Variants in ANKHD1 observed in about 807,000 individuals in gnomAD.
ANKHD1 encodes ankyrin repeat and KH domain containing 1.
In ANKHD1, 31 loss-of-function variants were observed where a neutral mutation model predicts 230.5. That is an observed-to-expected ratio of 0.13 (90% CI 0.10 to 0.18). The LOEUF (loss-of-function observed/expected upper bound fraction) is 0.18, where lower values mean the gene tolerates loss of function less well. Among genes scored for constraint, ANKHD1 ranks in the 10% least tolerant of loss-of-function variants. ANKHD1 has a pLI of 1.00. For synonymous variants in ANKHD1, 1,074 were observed against 1,117.6 expected, an observed-to-expected ratio of 0.96 and a Z score of 0.78; for missense variants, 2,256 against 3,071.3, an observed-to-expected ratio of 0.73 and a Z score of 6.27.
At chr5:140,450,763 G>T (rs1021476950) in intron 7 of ANKHD1, among the ~76,000 whole-genome samples, 17 of 151,808 alleles carry the variant, frequency 1.1e-4, no homozygotes, top group African/African-American at 4.1e-4. Flanking sequence ...TTTAAGAAAA[G>T]ATTTATTTAT....
intron 1 of ANKHD1, among the ~76,000 whole-genome samples, chr5:140,433,743 AC>A (rs1322932480): frequency 6.6e-6 from 1 of 152,144 alleles, no homozygotes; most frequent in Non-Finnish European, 1.5e-5. Flanking sequence ...TTAAAATGTT[AC>A]ATGAGACATA....
rs1775401914 is a variant in ANKHD1, at chr5:140,458,618, T to C, written c.1243-7T>C. ...CTCCTTCTTTCTTTACTTCTGAAAA[T>C]CTGCAGGATGGACATGTAGAGGTGG... On this transcript the variant is annotated splice_region_variant and splice_polypyrimidine_tract_variant and intron_variant, in intron 7 of 33. Transcript: ENST00000360839. The C allele has an allele frequency of 6.4e-7, 1 of 1,568,932 alleles. No individual in the cohort carries two copies. The highest frequency in any genetic ancestry group is 8.7e-7 in the Non-Finnish European group (1 of 1,150,412).
chr5:140,443,409 G>T (rs181690650), intron 5 of ANKHD1, among the ~76,000 whole-genome samples: 1 of 151,818 alleles, frequency 6.6e-6, no homozygotes. Flanking sequence ...CCAAAAAAAA[G>T]GCCGGGCGTG....
rs1186568157 is a variant in ANKHD1 at position 140,496,877 on chromosome 5, C to T, written c.2603C>T (p.Ser868Phe). 1.2e-6 allele frequency: 2 copies of T among 1,614,020 alleles called. No homozygotes were observed. Among genetic ancestry groups the T allele is most frequent in the Non-Finnish European group, 1.7e-6 (2 of 1,180,026 alleles). Reference protein sequence around the residue: ...LETKGQKDTVSLHQQCSHRGV... With the variant: ...LETKGQKDTVFLHQQCSHRGV... Reference sequence around the variant, plus strand: ...ACCAAAGGTCAGAAAGACACAGTGTCTCTACACCAACAGTGCTCTCATAGA... The same window carrying T: ...ACCAAAGGTCAGAAAGACACAGTGTTTCTACACCAACAGTGCTCTCATAGA... The change falls in exon 15 of 34, where the codon TCT becomes TTT. Residue 868 changes from serine to phenylalanine, a missense_variant. By Grantham distance (155) the Ser-to-Phe change is radical. This residue lies in a region of ANKHD1 where 358 missense variants were observed against 397.7 expected (regional missense o/e 0.90). Coordinates refer to ENST00000360839, the MANE Select transcript of ANKHD1 (RefSeq NM_017747.3).
intron 10 of ANKHD1, among the ~76,000 whole-genome samples, chr5:140,466,451 A>G (rs538603132): frequency 6.6e-6 from 1 of 151,990 alleles, no homozygotes; most frequent in East Asian, 1.9e-4. Flanking sequence ...TGGTAAATGT[A>G]CTCTAATGTA....
At chr5:140,466,495 A>G (rs1387547440) in intron 10 of ANKHD1, among the ~76,000 whole-genome samples, 2 of 152,282 alleles carry the variant, frequency 1.3e-5, no homozygotes, top group East Asian at 3.9e-4. Flanking sequence ...CCAAGTTAAT[A>G]TCTGTTACAT....
At chr5:140,438,082 T>C (rs1311568950) in intron 2 of ANKHD1, among the ~76,000 whole-genome samples, 1 of 152,220 alleles carries the variant, frequency 6.6e-6, no homozygotes, top group Non-Finnish European at 1.5e-5. Context: ...CTGTCTCCCC[T>C]CTGAAGATAC....
At chr5:140,522,906 C>A (rs1307084368) in intron 24 of ANKHD1, among the ~76,000 whole-genome samples, 1 of 152,008 alleles carries the variant, frequency 6.6e-6, no homozygotes, top group Non-Finnish European at 1.5e-5. Flanking sequence ...ATTTGATTTT[C>A]CCTGATGGCT....
chr5:140,529,393 T>C lies in ANKHD1; in HGVS notation c.6447T>C (p.Asn2149=), dbSNP rs1368757053. 6.2e-7 allele frequency: 1 copy of C among 1,614,086 alleles called. No individual in the cohort carries two copies. Among genetic ancestry groups the C allele is most frequent in the Non-Finnish European group, 8.5e-7 (1 of 1,180,040 alleles). ...GTTCTTTTTACTCCATGGTACCAAATGCAACTATTCACCAGGATCCCCAGT... is the reference window on the plus strand; with the variant it reads ...GTTCTTTTTACTCCATGGTACCAAACGCAACTATTCACCAGGATCCCCAGT... ...PRGSFYSMVP[N]ATIHQDPQSI... Residue 2149 remains asparagine, a synonymous_variant, in exon 29 of 34, where the codon AAT becomes AAC. Coordinates refer to ENST00000360839, the MANE Select transcript of ANKHD1 (RefSeq NM_017747.3).
chr5:140,445,958 CACTT>C lies in ANKHD1; in HGVS notation c.1131_1134del (p.Cys380ThrfsTer29), dbSNP rs1311823443. 6.2e-7 allele frequency: 1 copy of C among 1,601,826 alleles called. No individual in the cohort carries two copies. Among genetic ancestry groups the C allele is most frequent in the Non-Finnish European group, 8.5e-7 (1 of 1,173,078 alleles). Reference sequence around the variant, plus strand: ...AATGAATTCAAAGAAAGTGCTCTAACACTTGCTTGCTACAAAGGTACTTAATACA... The same window carrying C: ...AATGAATTCAAAGAAAGTGCTCTAACGCTTGCTACAAAGGTACTTAATACA... On this transcript the variant is annotated frameshift_variant, in exon 6 of 34. Coordinates refer to ENST00000360839, the MANE Select transcript of ANKHD1 (RefSeq NM_017747.3). LOFTEE classifies it high-confidence loss of function.
chr5:140,402,242 C>T lies in ANKHD1; in HGVS notation c.275C>T (p.Ala92Val). 1.3e-6 allele frequency: 2 copies of T among 1,508,388 alleles called. No homozygotes were observed. The highest frequency in any genetic ancestry group is 1.8e-6 in the Non-Finnish European group (2 of 1,134,346). The allele number at this position is 1,508,388 out of a possible 1,614,324, so 93.4% of individuals were successfully genotyped here. ...CTGAGGACCGGGGGTGGAGGTGGTG[C>T]CTCTGGCAGTGACGAGGACGAAGTG... ...AVLRTGGGGGASGSDEDEVSE... is the reference protein window; with the variant it reads ...AVLRTGGGGGVSGSDEDEVSE... The change falls in exon 1 of 34, where the codon GCC (alanine) becomes GTC (valine). Residue 92 changes from alanine to valine, a missense_variant. Transcript: ENST00000360839.
chr5:140,473,462 A>T (rs539592808), intron 10 of ANKHD1, among the ~76,000 whole-genome samples: 2 of 150,388 alleles, frequency 1.3e-5, no homozygotes, highest in African/African-American at 4.9e-5. Flanking sequence ...TTTTTTTGAG[A>T]CAGGGTCTCA....
Position 140,485,397 on chromosome 5 carries a change from AACACACACAC to A in ANKHD1, c.1998+170_1999-162del, listed in dbSNP as rs55859898. The A allele has an allele frequency of 3.8e-5, 25 of 665,826 alleles. No homozygotes were observed. Among genetic ancestry groups the A allele is most frequent in the East Asian group, 1.6e-4 (5 of 30,680 alleles). 41.2% of individuals were successfully genotyped at this position (665,826 alleles called of 1,614,324 possible). Reference sequence around the variant, plus strand: ...CATAAGGAGACCCCATCTCTATTAAAACACACACACACACACACACACACACACACGTATG... The same window carrying A: ...CATAAGGAGACCCCATCTCTATTAAAACACACACACACACACACACGTATG... On this transcript the variant is annotated intron_variant, in intron 12 of 33. Coordinates refer to ENST00000360839, the MANE Select transcript of ANKHD1 (RefSeq NM_017747.3). This position sits in a 1 kb window ranked among gnomAD's most constrained non-coding sequence, Gnocchi z 4.8.
At chr5:140,434,236 G>A (rs2126905948) in intron 1 of ANKHD1, among the ~76,000 whole-genome samples, 1 of 152,010 alleles carries the variant, frequency 6.6e-6, no homozygotes, top group Admixed American at 6.6e-5. Context: ...TGATATCCTA[G>A]TGGTTAAAAG....
chr5:140,432,002 A>G (rs1443217600), intron 1 of ANKHD1, among the ~76,000 whole-genome samples: 1 of 152,144 alleles, frequency 6.6e-6, no homozygotes, highest in Non-Finnish European at 1.5e-5. Context: ...GTCACCTTTT[A>G]TATGGTCTAC....
chr5:140,502,868 G>A (rs1752365913), intron 15 of ANKHD1, among the ~76,000 whole-genome samples: 1 of 152,078 alleles, frequency 6.6e-6, no homozygotes, highest in Non-Finnish European at 1.5e-5. Context: ...ACAAACATAT[G>A]TAATAATTAT....
Position 140,485,793 on chromosome 5 carries a change from T to C in ANKHD1, c.2142+61T>C. The C allele has an allele frequency of 1.3e-6, 2 of 1,589,914 alleles. No homozygotes were observed. Among genetic ancestry groups the C allele is most frequent in the Non-Finnish European group, 1.7e-6 (2 of 1,173,846 alleles). On this transcript the variant is annotated intron_variant, in intron 13 of 33. Coordinates refer to ENST00000360839, the MANE Select transcript of ANKHD1 (RefSeq NM_017747.3). The surrounding 1 kb of genome is among the most constrained non-coding windows in gnomAD (Gnocchi z 4.8). ...ATTCTTCAACATGATTAGAAGTTTT[T>C]GTTTAAAATCAGTTTTAAGCAAAAT...
At chr5:140,523,096 T>A (rs976416221) in intron 24 of ANKHD1, among the ~76,000 whole-genome samples, 4 of 151,028 alleles carry the variant, frequency 2.6e-5, no homozygotes, top group Non-Finnish European at 5.9e-5. Flanking sequence ...TTAATTAATT[T>A]TTTTCTTTTT....
chr5:140,497,203 G>C lies in ANKHD1; in HGVS notation c.2929G>C (p.Val977Leu). 6.2e-7 allele frequency: 1 copy of C among 1,612,414 alleles called. No individual in the cohort carries two copies. The highest frequency in any genetic ancestry group is 8.5e-7 in the Non-Finnish European group (1 of 1,180,010). ...AITGHDQGLL[V>L]QEPDGLMVAT... ...TACTGGACATGATCAGGGGCTGTTAGTTCAAGAACCAGATGGACTAATGGT... is the reference window on the plus strand; with the variant it reads ...TACTGGACATGATCAGGGGCTGTTACTTCAAGAACCAGATGGACTAATGGT... Residue 977 changes from valine (V) to leucine (L), a missense_variant, in exon 15 of 34, where the codon GTT becomes CTT. This residue lies in a region of ANKHD1 where 358 missense variants were observed against 397.7 expected (regional missense o/e 0.90). Transcript: ENST00000360839.
Sources: allele counts gnomAD v4.1 joint callset (sites outside exome capture counted in the v4.1 genomes callset), GRCh38; gene constraint gnomAD v4.1.1; regional missense constraint gnomAD v4.1.1; non-coding constraint Gnocchi (gnomAD v3.1); transcripts MANE v1.5; gene names NCBI Gene and HGNC (gene_info 2026-07-23, HGNC 2026-07-21).